EFR3B: variants seen among roughly 807,000 people sequenced by gnomAD.
EFR3B encodes protein EFR3 homolog B.
Under a neutral mutation model 104.7 loss-of-function variants are expected in EFR3B, and 64 were observed. That is an observed-to-expected ratio of 0.61 (90% confidence interval 0.50 to 0.75). EFR3B has a LOEUF of 0.75. EFR3B is among the 30% of genes least tolerant of loss of function. EFR3B has a pLI of 0.00. For missense variants in EFR3B, 750 were observed against 1,078.5 expected, an observed-to-expected ratio of 0.70 and a Z score of 4.27; for synonymous variants, 385 against 417.9, an observed-to-expected ratio of 0.92 and a Z score of 0.96.
chr2:25,083,631 G>A (rs555260172), intron 1 of EFR3B, among the ~76,000 whole-genome samples: 11 of 152,270 alleles, frequency 7.2e-5, no homozygotes, highest in South Asian at 6.2e-4. Flanking sequence ...TGACCAAAGC[G>A]CCTCCAGCTC....
At chr2:25,101,494 A>G (rs886315248) in intron 3 of EFR3B, among the ~76,000 whole-genome samples, 3 of 152,052 alleles carry the variant, frequency 2.0e-5, no homozygotes, top group Non-Finnish European at 4.4e-5. Context: ...GATTACAGGC[A>G]TACACCACCA....
At chr2:25,046,506 C>CTTTTTTTTTTTTTT (rs531667109) in intron 1 of EFR3B, among the ~76,000 whole-genome samples, 18 of 119,110 alleles carry the variant, frequency 1.5e-4, no homozygotes, top group East Asian at 6.1e-4. Context: ...AGTACAAAGT[C>CTTTTTTTTTTTTTT]TTTTTTTTTT....
chr2:25,118,815 C>T (rs529169828), intron 4 of EFR3B, among the ~76,000 whole-genome samples: 24 of 140,996 alleles, frequency 1.7e-4, no homozygotes, highest in East Asian at 8.5e-4. Context: ...CCAAGGCGGG[C>T]GGATCATGAC....
chr2:25,117,356 T>C (rs978999275), intron 4 of EFR3B, among the ~76,000 whole-genome samples: 1 of 151,426 alleles, frequency 6.6e-6, no homozygotes, highest in Non-Finnish European at 1.5e-5. Flanking sequence ...TGTCTGGAAG[T>C]GTTTGAAAAG....
chr2:25,146,436 A>G (rs1264466833), intron 19 of EFR3B: 1 of 152,178 alleles, frequency 6.6e-6, no homozygotes, highest in Non-Finnish European at 1.5e-5. Context: ...GGCTAATTGG[A>G]CAAGTAAAAT....
intron 4 of EFR3B, among the ~76,000 whole-genome samples, chr2:25,106,333 C>T (rs1273830944): frequency 3.3e-5 from 5 of 152,002 alleles, no homozygotes; most frequent in Non-Finnish European, 7.4e-5. Context: ...TGTGTCACCC[C>T]GGATGGAGTG....
At chr2:25,058,962 T>A (rs1248562751) in intron 1 of EFR3B, among the ~76,000 whole-genome samples, 1 of 151,882 alleles carries the variant, frequency 6.6e-6, no homozygotes, top group East Asian at 1.9e-4. Context: ...CCCAAAGAAA[T>A]GAATGCAAAG....
In EFR3B at chr2:25,137,833, A is replaced by G. The variant is rs1293200264; in HGVS notation, c.1722+331A>G. 1.3e-5 allele frequency among the ~76,000 whole-genome samples: 2 copies of G among 152,184 alleles called. No homozygotes were observed. Among genetic ancestry groups the G allele is most frequent in the Non-Finnish European group, 2.9e-5 (2 of 68,028 alleles). On this transcript the variant is annotated intron_variant, in intron 15 of 22. Coordinates refer to ENST00000403714, the MANE Select transcript of EFR3B (RefSeq NM_014971.2). The surrounding 1 kb of genome is among the most constrained non-coding windows in gnomAD (Gnocchi z 4.7). Reference sequence around the variant, plus strand: ...TCCAGGGATTCTTAAAAGGATGCTCATAAGCCCTGAGTGATCCCAGACAAA... The same window carrying G: ...TCCAGGGATTCTTAAAAGGATGCTCGTAAGCCCTGAGTGATCCCAGACAAA...
intron 1 of EFR3B, among the ~76,000 whole-genome samples, chr2:25,074,133 C>G (rs898473471): frequency 2.0e-5 from 3 of 152,112 alleles, no homozygotes; most frequent in Admixed American, 6.6e-5. Context: ...CCATTTGTGA[C>G]CAACCTGGTG....
At chr2:25,148,808 G>A (rs1670919786) in intron 19 of EFR3B, among the ~76,000 whole-genome samples, 1 of 150,300 alleles carries the variant, frequency 6.7e-6, no homozygotes, top group Non-Finnish European at 1.5e-5. Flanking sequence ...TGTAGTCCCA[G>A]CTACTTGGGA....
intron 3 of EFR3B, among the ~76,000 whole-genome samples, chr2:25,098,335 C>G (rs540765326): frequency 1.3e-5 from 2 of 152,172 alleles, no homozygotes; most frequent in Non-Finnish European, 2.9e-5. Flanking sequence ...GACCCTAATC[C>G]CTGACCCTGT....
At chr2:25,081,771 A>T in intron 1 of EFR3B, 1 of 421,868 alleles carries the variant, frequency 2.4e-6, no homozygotes, top group Non-Finnish European at 4.2e-6. Flanking sequence ...AATCAGTGTG[A>T]GAGAGACTGG....
chr2:25,114,564 G>C lies in EFR3B; in HGVS notation c.364-7109G>C, dbSNP rs938470437. On this transcript the variant is annotated intron_variant, in intron 4 of 22. Transcript: ENST00000403714. This position sits in a 1 kb window ranked among gnomAD's most constrained non-coding sequence, Gnocchi z 4.0. ...GAGGGAATGGAATGGTCAACAGCCC[G>C]AGCCTCAAGTCTGCAACCTCCTAGG... Among the ~76,000 whole-genome samples the C allele has an allele frequency of 6.6e-6, 1 of 152,138 alleles. No individual in the cohort carries two copies. The highest frequency in any genetic ancestry group is 2.1e-4 in the South Asian group (1 of 4,822).
intron 1 of EFR3B, among the ~76,000 whole-genome samples, chr2:25,077,860 G>T (rs1340135315): frequency 6.6e-6 from 1 of 152,148 alleles, no homozygotes; most frequent in Non-Finnish European, 1.5e-5. Flanking sequence ...AAGGGGAAAA[G>T]AAAAGAGGGA....
intron 4 of EFR3B, among the ~76,000 whole-genome samples, chr2:25,118,895 A>G (rs1669940650): frequency 6.6e-6 from 1 of 152,074 alleles, no homozygotes; most frequent in South Asian, 2.1e-4. Flanking sequence ...AAAACCAGCC[A>G]GGCATCGTGG....
intron 1 of EFR3B, among the ~76,000 whole-genome samples, chr2:25,086,149 AC>A (rs1668945477): frequency 6.6e-6 from 1 of 152,072 alleles, no homozygotes; most frequent in South Asian, 2.1e-4. Context: ...TGGATGTACC[AC>A]AGTTTATTCA....
intron 1 of EFR3B, among the ~76,000 whole-genome samples, chr2:25,078,120 C>A (rs903799283): frequency 6.6e-6 from 1 of 152,178 alleles, no homozygotes; most frequent in African/African-American, 2.4e-5. Flanking sequence ...GAGTAAGTTC[C>A]TTGATGGCAG....
chr2:25,114,326 C>T lies in EFR3B; in HGVS notation c.364-7347C>T, dbSNP rs542527873. ...TGACCTAGCTGGGCTGCTGCGACTG[C>T]GCTTTCATACTTCCAGCCTCAGGGA... On this transcript the variant is annotated intron_variant, in intron 4 of 22. Coordinates refer to ENST00000403714, the MANE Select transcript of EFR3B (RefSeq NM_014971.2). This position sits in a 1 kb window ranked among gnomAD's most constrained non-coding sequence, Gnocchi z 4.0. Among the ~76,000 whole-genome samples the T allele has an allele frequency of 3.3e-5, 5 of 152,222 alleles. No homozygotes were observed. Among genetic ancestry groups the T allele is most frequent in the South Asian group, 2.1e-4 (1 of 4,816 alleles).
At position 25,137,592 on chromosome 2, in the gene EFR3B, T is replaced by A; in HGVS notation, c.1722+90T>A. On this transcript the variant is annotated intron_variant, in intron 15 of 22. Transcript: ENST00000403714. The surrounding 1 kb of genome is among the most constrained non-coding windows in gnomAD (Gnocchi z 4.7). ...CCTGATAAGAGTATTGACTAGCAAC[T>A]GCTTAACACTGTTTTGGAGCCCAGG... 6.7e-7 allele frequency: 1 copy of A among 1,500,796 alleles called. No individual in the cohort carries two copies. The highest frequency in any genetic ancestry group is 9.0e-7 in the Non-Finnish European group (1 of 1,112,786). The allele number at this position is 1,500,796 out of a possible 1,614,324, so 93.0% of individuals were successfully genotyped here.
Sources: gnomAD v4.1 joint callset for allele counts (sites outside exome capture counted in the v4.1 genomes callset) on GRCh38, gnomAD v4.1.1 for gene constraint, Gnocchi (gnomAD v3.1) non-coding constraint, MANE v1.5 for transcripts, NCBI Gene and HGNC (gene_info 2026-07-23, HGNC 2026-07-21) for gene names.